PSMD1: variants seen among roughly 807,000 people sequenced by gnomAD.
PSMD1 encodes the protein 26S proteasome non-ATPase regulatory subunit 1.
PSMD1 carries 18 observed loss-of-function variants against 119.0 expected under a neutral mutation model. The ratio of observed to expected loss-of-function variants is 0.15; its 90% CI spans 0.10 to 0.22. PSMD1 has a LOEUF of 0.22. PSMD1 is among the 10% of genes least tolerant of loss of function. The pLI is 1.00. For missense variants in PSMD1, 702 were observed against 1,158.5 expected (o/e 0.61, Z 5.72); for synonymous variants, 374 against 396.6 (o/e 0.94, Z 0.68).
intron 21 of PSMD1, among the ~76,000 whole-genome samples, 171 bp downstream of exon 21, chr2:231,163,898 A>G (rs1249072599): frequency 1.3e-5 from 2 of 152,234 alleles, no homozygotes; most frequent in African/African-American, 4.8e-5. Flanking sequence ...TGGTCATCCA[A>G]GTCTCATGTC....
chr2:231,144,696 A>AGGTG (rs1696213263), intron 17 of PSMD1, among the ~76,000 whole-genome samples: 2 of 151,106 alleles, frequency 1.3e-5, no homozygotes, highest in Non-Finnish European at 1.5e-5. Context: ...TTACAGGCAC[A>AGGTG]AGCCACCACG....
At chr2:231,115,523 C>T (rs1409804140) in intron 16 of PSMD1, among the ~76,000 whole-genome samples, 2 of 152,100 alleles carry the variant, frequency 1.3e-5, no homozygotes, top group Non-Finnish European at 2.9e-5. Context: ...GGGATTAAAG[C>T]ATCAAGTGGA....
chr2:231,168,380 A>G (rs1300602094), intron 23 of PSMD1, among the ~76,000 whole-genome samples: 2 of 152,262 alleles, frequency 1.3e-5, no homozygotes, highest in East Asian at 3.8e-4. Flanking sequence ...AGCATGATTC[A>G]TAATAGCCAT....
chr2:231,087,855 G>A (rs111667136), intron 16 of PSMD1, among the ~76,000 whole-genome samples: 4 of 151,964 alleles, frequency 2.6e-5, no homozygotes, highest in Admixed American at 6.6e-5. Context: ...TCAGCTACTC[G>A]GGAGGCTGAG....
chr2:231,135,144 T>C (rs1695938712), intron 16 of PSMD1, among the ~76,000 whole-genome samples: 1 of 152,198 alleles, frequency 6.6e-6, no homozygotes. Context: ...GGAAAGAGCT[T>C]TAAGTTCTTA....
intron 16 of PSMD1, among the ~76,000 whole-genome samples, chr2:231,131,224 C>T (rs1442146830): frequency 1.3e-5 from 2 of 152,138 alleles, no homozygotes; most frequent in Admixed American, 6.5e-5. Flanking sequence ...ATCACATTCA[C>T]ATTTTTTTTA....
In PSMD1 at chr2:231,072,323, T is replaced by C. The variant is rs1694060738; in HGVS notation, c.789T>C (p.Ser263=). The change falls in exon 7 of 25, where the codon TCT becomes TCC. Residue 263 remains serine (S), a synonymous_variant. Transcript: ENST00000308696. ...GTGCTAGCCAGCAGTTTTTGTCATC[T>C]GTAATCCAGAATCTTCGAACTGTTG... is the stretch of plus-strand genomic sequence containing the variant. ...YESASQQFLS[S]VIQNLRTVGT... 6.2e-7 allele frequency: 1 copy of C among 1,614,004 alleles called. No individual in the cohort carries two copies. Among genetic ancestry groups the C allele is most frequent in the African/African-American group, 1.3e-5 (1 of 74,940 alleles).
chr2:231,074,249 G>C (rs1173354428), intron 7 of PSMD1, among the ~76,000 whole-genome samples: 2 of 152,114 alleles, frequency 1.3e-5, no homozygotes, highest in Non-Finnish European at 2.9e-5. Flanking sequence ...GGGGCTACAG[G>C]CGCAGGCTAT....
chr2:231,092,289 T>C (rs536022492), intron 16 of PSMD1, among the ~76,000 whole-genome samples: 1 of 152,138 alleles, frequency 6.6e-6, no homozygotes, highest in Non-Finnish European at 1.5e-5. Flanking sequence ...TTAGATATAA[T>C]TAGTGACGCA....
chr2:231,102,335 C>G (rs781262228), intron 16 of PSMD1, among the ~76,000 whole-genome samples: 13 of 152,070 alleles, frequency 8.5e-5, no homozygotes, highest in Non-Finnish European at 1.5e-4. Flanking sequence ...AGTTAAAATA[C>G]AGTTGACCCT....
intron 19 of PSMD1, among the ~76,000 whole-genome samples, chr2:231,153,998 A>G (rs1464065621): frequency 2.6e-5 from 4 of 152,108 alleles, no homozygotes; most frequent in Non-Finnish European, 4.4e-5. Flanking sequence ...CTGTAATCCT[A>G]GCTACTTGGG....
chr2:231,106,861 C>T (rs1349063714), intron 16 of PSMD1, among the ~76,000 whole-genome samples: 5 of 152,098 alleles, frequency 3.3e-5, no homozygotes, highest in Non-Finnish European at 5.9e-5. Context: ...TTATGTATGC[C>T]TTCAGATGCA....
At chr2:231,150,614 ATAAT>A (rs968103219) in intron 18 of PSMD1, among the ~76,000 whole-genome samples, 19 of 152,270 alleles carry the variant, frequency 1.2e-4, no homozygotes, top group African/African-American at 4.6e-4. Flanking sequence ...TACTTCAGAA[ATAAT>A]TTATTTGATT....
intron 16 of PSMD1, among the ~76,000 whole-genome samples, chr2:231,110,729 G>A (rs1027850878): frequency 6.6e-6 from 1 of 152,238 alleles, no homozygotes; most frequent in African/African-American, 2.4e-5. Context: ...TTATACTACA[G>A]TTTGAGGACC....
chr2:231,103,434 A>G (rs549160332), intron 16 of PSMD1, among the ~76,000 whole-genome samples: 11 of 152,284 alleles, frequency 7.2e-5, no homozygotes, highest in African/African-American at 2.6e-4. Flanking sequence ...CTTAAGTTAC[A>G]CTTTTCATAG....
intron 16 of PSMD1, among the ~76,000 whole-genome samples, chr2:231,115,506 T>C (rs1193241895): frequency 1.3e-5 from 2 of 152,122 alleles, no homozygotes; most frequent in African/African-American, 4.8e-5. Context: ...CAGCAGCTTC[T>C]TAAAAAGGGA....
chr2:231,163,721 G>A lies in PSMD1; in HGVS notation c.2475G>A (p.Lys825=). The part of the protein sequence containing the change: ...APLEVPKEKE[K]EKVSTAVLSI... ...TGGAAGTACCAAAAGAAAAAGAAAAGGAAAAGGTAGGTTCTTTGTTCCTTT... is the reference window on the plus strand; with the variant it reads ...TGGAAGTACCAAAAGAAAAAGAAAAAGAAAAGGTAGGTTCTTTGTTCCTTT... The change falls in exon 21 of 25, where the codon AAG becomes AAA. Residue 825 remains lysine (K), a synonymous_variant. Coordinates refer to ENST00000308696, the MANE Select transcript of PSMD1 (RefSeq NM_002807.4). 6.3e-7 allele frequency: 1 copy of A among 1,599,644 alleles called. No individual in the cohort carries two copies. The highest frequency in any genetic ancestry group is 8.6e-7 in the Non-Finnish European group (1 of 1,167,382).
At chr2:231,122,927 A>G (rs1228427576) in intron 16 of PSMD1, among the ~76,000 whole-genome samples, 1 of 152,146 alleles carries the variant, frequency 6.6e-6, no homozygotes, top group Non-Finnish European at 1.5e-5. Flanking sequence ...AACTATTAAG[A>G]GCTATAATAA....
At position 231,146,194 on chromosome 2, in the gene PSMD1, A is replaced by G. The variant is rs376320245; in HGVS notation, c.1999-46A>G. 31 of 1,312,068 alleles carry G rather than the reference A, an allele frequency of 2.4e-5. 1 individual carries two copies. The highest frequency in any genetic ancestry group is 1.8e-4 in the Middle Eastern group (1 of 5,502). 81.3% of individuals were successfully genotyped at this position (1,312,068 alleles called of 1,614,324 possible). On this transcript the variant is annotated intron_variant, in intron 17 of 24. Coordinates refer to ENST00000308696, the MANE Select transcript of PSMD1 (RefSeq NM_002807.4). ...GTGACTATAAATTGAAAGTTCAGCC[A>G]TATCAACTTTATTTAAAAGTTGTGT...
Sources: allele counts gnomAD v4.1 joint callset (sites outside exome capture counted in the v4.1 genomes callset), GRCh38; gene constraint gnomAD v4.1.1; transcripts MANE v1.5; gene names NCBI Gene and HGNC (gene_info 2026-07-23, HGNC 2026-07-21).